COL6A2: variants seen among roughly 807,000 people sequenced by gnomAD.
COL6A2 encodes collagen type VI alpha 2 chain.
In COL6A2, 90 loss-of-function variants were observed where a neutral mutation model predicts 124.9. The ratio of observed to expected loss-of-function variants is 0.72; its 90% CI spans 0.61 to 0.86. The LOEUF (loss-of-function observed/expected upper bound fraction) is 0.86. COL6A2 is among the 40% of genes least tolerant of loss of function. COL6A2 has a pLI of 0.00. For missense variants in COL6A2, 1,607 were observed against 1,502.5 expected, an observed-to-expected ratio of 1.07 and a Z score of -1.15; for synonymous variants, 793 against 618.2, an observed-to-expected ratio of 1.28 and a Z score of -4.19.
intron 27 of COL6A2, chr21:46,128,957 C>T (rs1231443659): frequency 1.2e-6 from 2 of 1,610,610 alleles, no homozygotes; most frequent in East Asian, 2.2e-5. Flanking sequence ...GTGGTGTCCC[C>T]CAAAGGTGCC....
intron 13 of COL6A2, 51 bp downstream of exon 13, chr21:46,118,727 C>CAT: frequency 1.9e-6 from 3 of 1,567,850 alleles, no homozygotes; most frequent in Non-Finnish European, 2.6e-6. Context: ...CACTCACGCC[C>CAT]ATGGCCCAGA....
At chr21:46,104,773 A>G (rs1017919267) in intron 1 of COL6A2, among the ~76,000 whole-genome samples, 3 of 152,270 alleles carry the variant, frequency 2.0e-5, no homozygotes, top group African/African-American at 7.2e-5. Flanking sequence ...AAGATTTTGA[A>G]AACAGCAAGA....
At chr21:46,128,782 G>A (rs2078714157) in intron 27 of COL6A2, 3 of 845,414 alleles carry the variant, frequency 3.5e-6, no homozygotes, top group East Asian at 4.8e-5. Flanking sequence ...CAGAGAGGCT[G>A]AGGAAGGGTT....
At chr21:46,105,455 G>GT (rs2078326680) in intron 1 of COL6A2, among the ~76,000 whole-genome samples, 1 of 152,188 alleles carries the variant, frequency 6.6e-6, no homozygotes, top group African/African-American at 2.4e-5. Context: ...TAATATTGCT[G>GT]TAACAATGGT....
chr21:46,123,900 TGGATGGGTGGGTGGATAGA>T (rs144858872), intron 21 of COL6A2, among the ~76,000 whole-genome samples: 40 of 144,396 alleles, frequency 2.8e-4, no homozygotes, highest in Admixed American at 5.4e-4. Context: ...AGTGGATAGA[TGGATGGGTGGGTGGATAGA>T]GGATGGATGG....
Position 46,132,503 on chromosome 21 carries a change from G to T in COL6A2, c.3011G>T (p.Ser1004Ile). ...AAVFHEKDYD[S>I]LAQPGFFDRF... Reference sequence around the variant, plus strand: ...GTGTTCCACGAGAAGGACTATGACAGCCTGGCGCAACCCGGCTTCTTCGAC... The same window carrying T: ...GTGTTCCACGAGAAGGACTATGACATCCTGGCGCAACCCGGCTTCTTCGAC... The change falls in exon 28 of 28, where the codon AGC (serine) becomes ATC (isoleucine). Residue 1004 changes from serine (S) to isoleucine (I), a missense_variant. This residue lies in a region of COL6A2 where 1,223 missense variants were observed against 1,052.2 expected (regional missense o/e 1.16). Transcript: ENST00000300527. 1 of 1,607,536 alleles carries T rather than the reference G, an allele frequency of 6.2e-7. No individual in the cohort carries two copies.
chr21:46,125,623 CGGGGCAGGGGCGGGTGCAGCATTGCGG>C lies in COL6A2; in HGVS notation c.1969+12_1969+38del. 1 of 990,418 alleles carries C rather than the reference CGGGGCAGGGGCGGGTGCAGCATTGCGG, an allele frequency of 1.0e-6. No homozygotes were observed. Among genetic ancestry groups the C allele is most frequent in the Non-Finnish European group, 1.5e-6 (1 of 672,228 alleles). 61.4% of individuals were successfully genotyped at this position (990,418 alleles called of 1,614,324 possible). The stretch of plus-strand genomic sequence containing the variant: ...GGACCCCAAGTCCGAGACAGGTCAG[CGGGGCAGGGGCGGGTGCAGCATTGCGG>C]GGGGCCGGGCGGGGCGTGGGAGGCG... On this transcript the variant is annotated splice_region_variant and intron_variant, in intron 25 of 27. Transcript: ENST00000300527.
chr21:46,120,092 C>T (rs576099074), intron 15 of COL6A2, among the ~76,000 whole-genome samples: 58 of 84,500 alleles, frequency 6.9e-4, no homozygotes, highest in Middle Eastern at 0.013. Flanking sequence ...CATTCACCCC[C>T]GGCCCACTGA....
chr21:46,129,542 C>T (rs762127531), intron 27 of COL6A2: 1 of 1,497,270 alleles, frequency 6.7e-7, no homozygotes, highest in Non-Finnish European at 8.9e-7. Flanking sequence ...ACACTAGCTT[C>T]CCAGGGCTGC....
chr21:46,129,765 C>G (rs1409834986), intron 27 of COL6A2: 5 of 1,326,652 alleles, frequency 3.8e-6, no homozygotes, highest in Middle Eastern at 2.8e-4. Context: ...AAGGCCCACC[C>G]CAAGTCCAGA....
Position 46,112,289 on chromosome 21 carries a change from G to A in COL6A2, c.426G>A (p.Thr142=), listed in dbSNP as rs149480738. ...CCGACTGCGCGCTGGCCAACATGAC[G>A]GAGCAGATCCGGCAGGACCGCAGCA... ...TFTDCALANM[T]EQIRQDRSKG... Residue 142 remains threonine, a synonymous_variant, in exon 3 of 28, where the codon ACG becomes ACA. Transcript: ENST00000300527. 126 of 1,612,574 alleles carry A rather than the reference G, an allele frequency of 7.8e-5. No individual in the cohort carries two copies. In the African/African-American group the frequency reaches 1.2e-3, roughly 16 times the overall value.
rs59060956 is a variant in COL6A2, at chr21:46,116,926, TACACAC to T, written c.999+137_999+142del. On this transcript the variant is annotated intron_variant, in intron 10 of 27. Coordinates refer to ENST00000300527, the MANE Select transcript of COL6A2 (RefSeq NM_001849.4). This position sits in a 1 kb window ranked among gnomAD's most constrained non-coding sequence, Gnocchi z 4.6. ...CAGCTTACACATGTGTACACACGCA[TACACAC>T]ACACACACACACACACACACACACG... is the stretch of plus-strand genomic sequence containing the variant. 3.6e-4 allele frequency: 228 copies of T among 639,058 alleles called. No homozygotes were observed. Among genetic ancestry groups the T allele is most frequent in the Middle Eastern group, 8.3e-4 (2 of 2,408 alleles). 39.6% of individuals were successfully genotyped at this position (639,058 alleles called of 1,614,324 possible).
chr21:46,124,959 G>A (rs569405852), intron 23 of COL6A2, 39 bp downstream of exon 23: 5 of 1,610,970 alleles, frequency 3.1e-6, no homozygotes, highest in Non-Finnish European at 4.2e-6. Context: ...TCCTTCTCCT[G>A]CCAAAACTAG....
intron 15 of COL6A2, 74 bp from the exon 16 acceptor site, chr21:46,120,441 C>T (rs1035628108): frequency 9.4e-6 from 12 of 1,272,038 alleles, no homozygotes; most frequent in South Asian, 7.8e-5. Flanking sequence ...CCCCCGGCCA[C>T]ACCCGCCTCT....
chr21:46,106,984 A>C (rs1447709364), intron 1 of COL6A2, among the ~76,000 whole-genome samples: 2 of 152,208 alleles, frequency 1.3e-5, no homozygotes, highest in Non-Finnish European at 2.9e-5. Flanking sequence ...AGTTAGGAAT[A>C]ACTGATATTT....
intron 21 of COL6A2, among the ~76,000 whole-genome samples, chr21:46,124,177 G>A (rs948124814): frequency 5.3e-5 from 8 of 150,882 alleles, no homozygotes; most frequent in Non-Finnish European, 1.0e-4. Context: ...GTGGACAGAG[G>A]ATGGGTGGAT....
rs375608173 is a variant in COL6A2, at chr21:46,125,949, G to T, written c.2134G>T (p.Asp712Tyr). The change falls in exon 26 of 28, where the codon GAC (aspartate) becomes TAC (tyrosine). Residue 712 changes from aspartate to tyrosine, a missense_variant. Physicochemically the swap from Asp to Tyr is radical, Grantham distance 160. Transcript: ENST00000300527. The part of the protein sequence containing the change: ...WTPSALKFAY[D>Y]RLIKESRRQK... ...ACCCTCAGCCCTCAAGTTTGCCTAC[G>T]ACCGCCTCATCAAGGAGAGCCGGCG... The T allele has an allele frequency of 6.2e-7, 1 of 1,613,122 alleles. No homozygotes were observed. The highest frequency in any genetic ancestry group is 2.2e-5 in the East Asian group (1 of 44,856).
At position 46,124,652 on chromosome 21, in the gene COL6A2, C is replaced by G; in HGVS notation, c.1673C>G (p.Ala558Gly). The G allele has an allele frequency of 6.2e-7, 1 of 1,612,916 alleles. No individual in the cohort carries two copies. Among genetic ancestry groups the G allele is most frequent in the African/African-American group, 1.3e-5 (1 of 75,014 alleles). ...PGRKGEKGEP[A>G]DPGPPGEPGP... Reference sequence around the variant, plus strand: ...CCACCTGTTCTTGTTCCTTCTCAGGCGGATCCTGGTCCCCCTGGTGAGCCA... The same window carrying G: ...CCACCTGTTCTTGTTCCTTCTCAGGGGGATCCTGGTCCCCCTGGTGAGCCA... Residue 558 changes from alanine to glycine, a missense_variant and splice_region_variant, in exon 22 of 28, where the codon GCG becomes GGG. Transcript: ENST00000300527.
Position 46,116,427 on chromosome 21 carries a change from C to G in COL6A2, c.927+24C>G. The G allele has an allele frequency of 6.2e-7, 1 of 1,612,552 alleles. No individual in the cohort carries two copies. The highest frequency in any genetic ancestry group is 1.6e-4 in the Middle Eastern group (1 of 6,062). On this transcript the variant is annotated intron_variant, in intron 8 of 27. Transcript: ENST00000300527. This position sits in a 1 kb window ranked among gnomAD's most constrained non-coding sequence, Gnocchi z 4.6. Reference sequence around the variant, plus strand: ...AGGTGAGGCTCTTGCCCTGACAGACCTCAGACCTGCGCCAGCCTCGGCCCA... The same window carrying G: ...AGGTGAGGCTCTTGCCCTGACAGACGTCAGACCTGCGCCAGCCTCGGCCCA...
Sources: gnomAD v4.1 joint callset for allele counts (sites outside exome capture counted in the v4.1 genomes callset) on GRCh38, gnomAD v4.1.1 for gene constraint, gnomAD v4.1.1 regional missense constraint, Gnocchi (gnomAD v3.1) non-coding constraint, MANE v1.5 for transcripts, NCBI Gene and HGNC (gene_info 2026-07-23, HGNC 2026-07-21) for gene names.